The following NEDD4 variants were observed in gnomAD, a reference collection of about 807,000 sequenced individuals.
NEDD4 encodes the protein E3 ubiquitin-protein ligase NEDD4.
NEDD4 carries 99 observed loss-of-function variants against 144.9 expected under a neutral mutation model. The ratio of observed to expected loss-of-function variants is 0.68; its 90% CI spans 0.58 to 0.81. The LOEUF is 0.81. NEDD4 is among the 30% of genes least tolerant of loss of function. NEDD4 has a pLI of 0.00. For synonymous variants in NEDD4, 318 were observed against 350.6 expected (o/e 0.91, Z 1.04); for missense variants, 985 against 1,065.9 (o/e 0.92, Z 1.06).
At chr15:55,900,682 A>G (rs2035886870) in intron 5 of NEDD4, among the ~76,000 whole-genome samples, 1 of 152,204 alleles carries the variant, frequency 6.6e-6, no homozygotes, top group East Asian at 1.9e-4. Flanking sequence ...TGAGTTGCTT[A>G]TATGAATCAT....
chr15:55,943,678 C>G (rs539799581), intron 4 of NEDD4, among the ~76,000 whole-genome samples: 1 of 152,310 alleles, frequency 6.6e-6, no homozygotes, highest in South Asian at 2.1e-4. Context: ...GGGCAGAGCC[C>G]TCATGGAGAA....
intron 2 of NEDD4, among the ~76,000 whole-genome samples, chr15:55,958,318 G>A (rs6493828): frequency 0.78 from 117,983 of 152,144 alleles, 45,980 homozygotes; most frequent in African/African-American, 0.84. Context: ...TATTAATACA[G>A]TGAATTGCAT....
intron 18 of NEDD4, among the ~76,000 whole-genome samples, chr15:55,846,574 G>A (rs1197634565): frequency 3.3e-5 from 5 of 152,094 alleles, no homozygotes; most frequent in African/African-American, 1.2e-4. Context: ...GACTTTCGCT[G>A]GAAAACAACA....
chr15:55,903,848 ATAT>A (rs2035997104), intron 5 of NEDD4, among the ~76,000 whole-genome samples: 1 of 5,200 alleles, frequency 1.9e-4, no homozygotes, highest in African/African-American at 6.2e-4. Flanking sequence ...AAACACACAT[ATAT>A]ATATATATAT....
chr15:55,904,580 G>A (rs1354863905), intron 5 of NEDD4, among the ~76,000 whole-genome samples: 2 of 152,106 alleles, frequency 1.3e-5, no homozygotes, highest in Non-Finnish European at 2.9e-5. Flanking sequence ...TGGGATTACA[G>A]GTGTGAGCCA....
At chr15:55,864,677 T>A in intron 8 of NEDD4, among the ~76,000 whole-genome samples, 1 of 122,186 alleles carries the variant, frequency 8.2e-6, no homozygotes. Context: ...AGTGAAACTC[T>A]GTCTCATAAG....
At chr15:55,965,264 T>A (rs1181556974) in intron 2 of NEDD4, among the ~76,000 whole-genome samples, 1 of 152,154 alleles carries the variant, frequency 6.6e-6, no homozygotes, top group Non-Finnish European at 1.5e-5. Flanking sequence ...ATTGGCACAA[T>A]CTTGTCTCAC....
At chr15:55,966,305 G>A (rs2037511734) in intron 2 of NEDD4, among the ~76,000 whole-genome samples, 168 bp downstream of exon 2, 1 of 152,162 alleles carries the variant, frequency 6.6e-6, no homozygotes, top group Non-Finnish European at 1.5e-5. Context: ...CACAAATTTA[G>A]TAATTCAGAT....
intron 5 of NEDD4, among the ~76,000 whole-genome samples, chr15:55,909,000 G>C (rs1378194005): frequency 6.6e-6 from 1 of 152,162 alleles, no homozygotes; most frequent in Admixed American, 6.5e-5. Flanking sequence ...TGAATTTAAA[G>C]ACATTGTCTA....
intron 2 of NEDD4, chr15:55,952,763 C>T (rs2037266276): frequency 1.3e-5 from 2 of 152,072 alleles, no homozygotes; most frequent in African/African-American, 2.4e-5. Context: ...TCTTTTAGAC[C>T]TTTGGCTTTT....
chr15:55,863,842 T>A (rs1199512718), intron 8 of NEDD4, among the ~76,000 whole-genome samples: 2 of 152,200 alleles, frequency 1.3e-5, no homozygotes, highest in Non-Finnish European at 2.9e-5. Flanking sequence ...AAAGGTCAAA[T>A]ATACAAAGGG....
intron 1 of NEDD4, among the ~76,000 whole-genome samples, chr15:55,974,397 T>C (rs2037664509): frequency 6.6e-6 from 1 of 152,142 alleles, no homozygotes; most frequent in Non-Finnish European, 1.5e-5. Context: ...GGAGGAGGAA[T>C]ACTTTCCATA....
At chr15:55,901,047 T>C (rs1191400673) in intron 5 of NEDD4, among the ~76,000 whole-genome samples, 1 of 152,164 alleles carries the variant, frequency 6.6e-6, no homozygotes. Flanking sequence ...AAAACTGGTA[T>C]CTAACTTTTT....
In NEDD4 at chr15:55,829,949, T is replaced by A; in HGVS notation, c.2651A>T (p.Asp884Val). The A allele has an allele frequency of 6.2e-7, 1 of 1,613,864 alleles. No homozygotes were observed. The highest frequency in any genetic ancestry group is 1.7e-5 in the Admixed American group (1 of 59,964). Residue 884 changes from aspartate (D) to valine (V), a missense_variant, in exon 29 of 29, where the codon GAT (aspartate) becomes GTT (valine). Transcript: ENST00000435532. ...PPYESFEELW[D>V]KLQMAIENTQ... The stretch of plus-strand genomic sequence containing the variant: ...GTTTTCAATTGCCATCTGAAGTTTA[T>A]CCCATAATTCTTCAAATGATTCATA...
chr15:55,830,564 A>C lies in NEDD4; in HGVS notation c.2550T>G (p.Phe850Leu). ...ELYGSNGPQSFTVEQWGTPEK... is the reference protein window; with the variant it reads ...ELYGSNGPQSLTVEQWGTPEK... ...CAGGAGTACCCCACTGTTCAACTGTAAATGACTGTGGTCCATTTGAACCTA... is the reference window on the plus strand; with the variant it reads ...CAGGAGTACCCCACTGTTCAACTGTCAATGACTGTGGTCCATTTGAACCTA... Residue 850 changes from phenylalanine to leucine, a missense_variant, in exon 28 of 29, where the codon TTT becomes TTG. Physicochemically the swap from Phe to Leu is conservative, Grantham distance 22. Transcript: ENST00000435532. 6.2e-7 allele frequency: 1 copy of C among 1,614,138 alleles called. No individual in the cohort carries two copies. Among genetic ancestry groups the C allele is most frequent in the Non-Finnish European group, 8.5e-7 (1 of 1,179,954 alleles).
At chr15:55,984,186 C>G (rs1376266879) in intron 1 of NEDD4, among the ~76,000 whole-genome samples, 2 of 152,186 alleles carry the variant, frequency 1.3e-5, no homozygotes, top group Admixed American at 6.5e-5. Flanking sequence ...ATAACAATTA[C>G]AAGTTAATTT....
At chr15:55,865,653 C>T (rs886674162) in intron 8 of NEDD4, among the ~76,000 whole-genome samples, 7 of 152,040 alleles carry the variant, frequency 4.6e-5, no homozygotes, top group African/African-American at 1.4e-4. Flanking sequence ...TGTTCTAGGC[C>T]TGGAGATCAG....
At chr15:55,928,684 C>T (rs2036722770) in intron 4 of NEDD4, among the ~76,000 whole-genome samples, 1 of 152,204 alleles carries the variant, frequency 6.6e-6, no homozygotes. Flanking sequence ...CAAATGCCAA[C>T]CTCTCCCTAG....
At chr15:55,910,503 T>C (rs1340384018) in intron 5 of NEDD4, among the ~76,000 whole-genome samples, 1 of 152,080 alleles carries the variant, frequency 6.6e-6, no homozygotes, top group African/African-American at 2.4e-5. Context: ...TTATCCCCTC[T>C]TCTACCGCCT....
Sources: allele counts gnomAD v4.1 joint callset (sites outside exome capture counted in the v4.1 genomes callset), GRCh38; gene constraint gnomAD v4.1.1; transcripts MANE v1.5; gene names NCBI Gene and HGNC (gene_info 2026-07-23, HGNC 2026-07-21).